The following TAFA2 variants were observed in gnomAD, a reference collection of about 807,000 sequenced individuals.
The protein encoded by TAFA2 is TAFA chemokine like family member 2.
Under a neutral mutation model 18.8 loss-of-function variants are expected in TAFA2, and 7 were observed. The observed-to-expected ratio is 0.37, with a 90% confidence interval of 0.21 to 0.70. The LOEUF (loss-of-function observed/expected upper bound fraction) is 0.70, where lower values mean the gene tolerates loss of function less well. TAFA2 is among the 30% of genes least tolerant of loss of function. The pLI, the probability that TAFA2 is intolerant of heterozygous loss-of-function variation, is 0.53. For missense variants in TAFA2, 122 were observed against 158.1 expected, an observed-to-expected ratio of 0.77 and a Z score of 1.23; for synonymous variants, 60 against 54.2, an observed-to-expected ratio of 1.11 and a Z score of -0.47.
intron 1 of TAFA2, among the ~76,000 whole-genome samples, chr12:61,952,616 C>G (rs998229789): frequency 6.6e-6 from 1 of 151,946 alleles, no homozygotes; most frequent in Non-Finnish European, 1.5e-5. Flanking sequence ...CTACTATTAA[C>G]AGAAAAGAAA....
At chr12:61,839,086 C>T (rs1873063341) in intron 2 of TAFA2, among the ~76,000 whole-genome samples, 1 of 152,078 alleles carries the variant, frequency 6.6e-6, no homozygotes, top group African/African-American at 2.4e-5. Context: ...GATATTAAAA[C>T]TTGGCTATGC....
intron 1 of TAFA2, among the ~76,000 whole-genome samples, chr12:61,957,843 A>G (rs1878751428): frequency 6.6e-6 from 1 of 152,042 alleles, no homozygotes; most frequent in Non-Finnish European, 1.5e-5. Flanking sequence ...TCTTTCCCTT[A>G]TTTCTTTCCT....
chr12:61,764,554 C>G (rs1869707030), intron 2 of TAFA2, among the ~76,000 whole-genome samples: 1 of 151,986 alleles, frequency 6.6e-6, no homozygotes. Context: ...ATTTAGGTCT[C>G]TGGATCTCTT....
chr12:62,210,645 C>T (rs113197773), intron 1 of TAFA2, among the ~76,000 whole-genome samples: 10 of 152,202 alleles, frequency 6.6e-5, no homozygotes, highest in Non-Finnish European at 1.2e-4. Flanking sequence ...TGGCAAAAAG[C>T]ATGTACATAT....
chr12:61,884,816 G>A (rs968814366), intron 1 of TAFA2, among the ~76,000 whole-genome samples: 42 of 151,898 alleles, frequency 2.8e-4, no homozygotes, highest in Admixed American at 2.0e-4. Context: ...ATTTGAGGGA[G>A]AGAAAAAGAA....
Position 61,967,588 on chromosome 12 carries a change from TAA to T in TAFA2, c.-1-100164_-1-100163del, listed in dbSNP as rs1228840659. Among the ~76,000 whole-genome samples the T allele has an allele frequency of 2.0e-5, 3 of 151,932 alleles. No homozygotes were observed. In the East Asian group the frequency reaches 5.8e-4, roughly 30 times the overall value. On this transcript the variant is annotated intron_variant, in intron 1 of 4. Coordinates refer to ENST00000416284, the MANE Select transcript of TAFA2 (RefSeq NM_178539.5). The stretch of plus-strand genomic sequence containing the variant: ...AGGCTGGCACTGTTCATTCAATCTA[TAA>T]TAATGCAAGGTGCTGGAAATTGAAG...
intron 4 of TAFA2, among the ~76,000 whole-genome samples, chr12:61,713,472 T>C (rs1222998163): frequency 6.6e-6 from 1 of 152,170 alleles, no homozygotes. Context: ...TTTAGAGAAC[T>C]GCATTGAAGG....
intron 1 of TAFA2, among the ~76,000 whole-genome samples, chr12:62,251,423 A>T (rs1428929687): frequency 6.6e-6 from 1 of 152,190 alleles, no homozygotes; most frequent in Non-Finnish European, 1.5e-5. Flanking sequence ...AAATACTGAA[A>T]GTTGTAGGCT....
chr12:61,781,443 A>G (rs1443175453), intron 2 of TAFA2, among the ~76,000 whole-genome samples: 1 of 151,814 alleles, frequency 6.6e-6, no homozygotes, highest in Non-Finnish European at 1.5e-5. Flanking sequence ...TGTTTGTTTT[A>G]TTAAACATAT....
intron 1 of TAFA2, among the ~76,000 whole-genome samples, chr12:61,965,113 A>G (rs1565698556): frequency 6.6e-6 from 1 of 151,918 alleles, no homozygotes; most frequent in Non-Finnish European, 1.5e-5. Context: ...GTGACTCCTT[A>G]GAAATTTAAA....
At chr12:62,005,305 C>T (rs7955108) in intron 1 of TAFA2, among the ~76,000 whole-genome samples, 42,640 of 151,876 alleles carry the variant, frequency 0.28, 6,371 homozygotes, top group Non-Finnish European at 0.33. Flanking sequence ...TATATATACA[C>T]AATATAAATG....
intron 1 of TAFA2, among the ~76,000 whole-genome samples, chr12:61,922,214 A>T (rs1468838000): frequency 6.6e-6 from 1 of 152,234 alleles, no homozygotes; most frequent in Non-Finnish European, 1.5e-5. Flanking sequence ...ACTGAAAATG[A>T]TCCAATAAAA....
rs767943451 is a variant in TAFA2 at position 62,077,878 on chromosome 12, A to G, written c.-2+113381T>C. On this transcript the variant is annotated intron_variant, in intron 1 of 4. Transcript: ENST00000416284. ...CAAGCCTTATTTTTATACTACTTCT[A>G]TATCACAGGGACCTAAAAACACTGA... Among the ~76,000 whole-genome samples the G allele has an allele frequency of 3.3e-4, 50 of 152,270 alleles. 1 individual carries two copies. Among genetic ancestry groups the G allele is most frequent in the Non-Finnish European group, 7.1e-4 (48 of 68,018 alleles).
chr12:61,724,325 T>TTTTC (rs1021897881), intron 4 of TAFA2, among the ~76,000 whole-genome samples: 27 of 152,024 alleles, frequency 1.8e-4, no homozygotes, highest in Non-Finnish European at 3.4e-4. Flanking sequence ...TCTTTTCTCT[T>TTTTC]TTTCTTTCTT....
intron 1 of TAFA2, among the ~76,000 whole-genome samples, chr12:62,220,978 G>A (rs2062758151): frequency 6.6e-6 from 1 of 151,912 alleles, no homozygotes; most frequent in African/African-American, 2.4e-5. Context: ...ATGGTAGCGG[G>A]CGCCTGTAGT....
Position 61,832,735 on chromosome 12 carries a change from A to G in TAFA2, c.106+34585T>C, listed in dbSNP as rs571647082. 2.6e-5 allele frequency among the ~76,000 whole-genome samples: 4 copies of G among 152,030 alleles called. No homozygotes were observed. In the East Asian group the frequency reaches 7.8e-4, roughly 29 times the overall value. ...CTTTAAAACTCTGTCTAAATATTAC[A>G]TTCATGACATAGGACTTATGATTCT... On this transcript the variant is annotated intron_variant, in intron 2 of 4. Transcript: ENST00000416284.
intron 1 of TAFA2, among the ~76,000 whole-genome samples, chr12:61,881,561 A>G (rs1875140454): frequency 6.6e-6 from 1 of 152,144 alleles, no homozygotes; most frequent in Non-Finnish European, 1.5e-5. Context: ...AAAACTGACT[A>G]CAAATATATG....
chr12:62,168,816 AAC>A (rs942313161), intron 1 of TAFA2, among the ~76,000 whole-genome samples: 2 of 152,064 alleles, frequency 1.3e-5, no homozygotes, highest in African/African-American at 4.8e-5. Context: ...CAGCCTAGAC[AAC>A]AGAGCAAGAT....
At chr12:61,909,192 AT>A (rs1210489796) in intron 1 of TAFA2, among the ~76,000 whole-genome samples, 1 of 152,184 alleles carries the variant, frequency 6.6e-6, no homozygotes, top group Non-Finnish European at 1.5e-5. Flanking sequence ...AAGTCACAAC[AT>A]TTTCAAGGTT....
Sources: allele counts gnomAD v4.1 joint callset (sites outside exome capture counted in the v4.1 genomes callset), GRCh38; gene constraint gnomAD v4.1.1; transcripts MANE v1.5; gene names NCBI Gene and HGNC (gene_info 2026-07-23, HGNC 2026-07-21).